Variants in FYTTD1 observed in about 807,000 individuals in gnomAD.
FYTTD1 encodes the protein forty-two-three domain containing 1.
FYTTD1 carries 22 observed loss-of-function variants against 40.9 expected under a neutral mutation model. The observed-to-expected ratio is 0.54, with a 90% CI of 0.38 to 0.77. FYTTD1 has a LOEUF of 0.77. Ranked by LOEUF, FYTTD1 falls within the 30% of genes least tolerant of loss-of-function variation. The probability of loss-of-function intolerance (pLI) is 0.00; values close to 1 mark genes in which losing one functional copy is unlikely to be tolerated. For synonymous variants in FYTTD1, 140 were observed against 137.9 expected (o/e 1.01, Z -0.10); for missense variants, 351 against 392.2 (o/e 0.90, Z 0.89).
At position 197,783,618 on chromosome 3, in the gene FYTTD1, C is replaced by T. The variant is rs1730086244; in HGVS notation, c.*1709C>T. 1 of 152,624 alleles carries T rather than the reference C, an allele frequency of 6.6e-6. No individual in the cohort carries two copies. The highest frequency in any genetic ancestry group is 2.4e-5 in the African/African-American group (1 of 41,452). The allele number at this position is 152,624 out of a possible 1,614,324, so 9.5% of individuals were successfully genotyped here. ...TGATGCTTTTCATATAGGCCAAGAACTCATTGCAAAACATTTTTGCAAGGA... is the reference window on the plus strand; with the variant it reads ...TGATGCTTTTCATATAGGCCAAGAATTCATTGCAAAACATTTTTGCAAGGA... On this transcript the variant is annotated 3_prime_UTR_variant, in exon 9 of 9. Coordinates refer to ENST00000241502, the MANE Select transcript of FYTTD1 (RefSeq NM_032288.7).
chr3:197,763,503 G>A, intron 2 of FYTTD1: 1 of 452,546 alleles, frequency 2.2e-6, no homozygotes, highest in Non-Finnish European at 4.4e-6. Flanking sequence ...TTAAGCATAT[G>A]AAGAGGTTCG....
chr3:197,776,082 C>CA (rs1208737086), intron 6 of FYTTD1, among the ~76,000 whole-genome samples: 1 of 151,934 alleles, frequency 6.6e-6, no homozygotes, highest in Non-Finnish European at 1.5e-5. Flanking sequence ...CTGAAAGAAA[C>CA]AGAGATTTAA....
chr3:197,766,684 C>G lies in FYTTD1; in HGVS notation c.236-1755C>G, dbSNP rs1729560678. Among the ~76,000 whole-genome samples the G allele has an allele frequency of 2.0e-5, 3 of 152,026 alleles. No homozygotes were observed. In the South Asian group the frequency reaches 6.2e-4, roughly 32 times the overall value. ...TCTCGAACTCCTGGGCTCAAGCAAT[C>G]CATCCTTCTCAGTCTCCCAAAGTGC... is the stretch of plus-strand genomic sequence containing the variant. On this transcript the variant is annotated intron_variant, in intron 2 of 8. Coordinates refer to ENST00000241502, the MANE Select transcript of FYTTD1 (RefSeq NM_032288.7).
chr3:197,751,422 G>A (rs895455474), intron 1 of FYTTD1, among the ~76,000 whole-genome samples: 1 of 152,224 alleles, frequency 6.6e-6, no homozygotes, highest in African/African-American at 2.4e-5. Flanking sequence ...GAGGCAGGCA[G>A]ATGGCTTGAG....
At chr3:197,768,722 CTAAA>C (rs1729623580) in intron 3 of FYTTD1, 135 bp downstream of exon 3, 3 of 620,976 alleles carry the variant, frequency 4.8e-6, no homozygotes, top group East Asian at 6.4e-5. Flanking sequence ...AATTTAATAT[CTAAA>C]TAAAAATCAT....
Position 197,774,032 on chromosome 3 carries a change from A to C in FYTTD1, c.595-117A>C, listed in dbSNP as rs118004197. 316 of 771,780 alleles carry C rather than the reference A, an allele frequency of 4.1e-4. 6 individuals carry two copies. Among genetic ancestry groups the C allele is most frequent in the South Asian group, 9.3e-4 (57 of 61,314 alleles). 47.8% of individuals were successfully genotyped at this position (771,780 alleles called of 1,614,324 possible). A position where few individuals can be genotyped will look rare whatever the true frequency, so the allele number is the denominator to read the frequency against. On this transcript the variant is annotated intron_variant, in intron 5 of 8. Coordinates refer to ENST00000241502, the MANE Select transcript of FYTTD1 (RefSeq NM_032288.7). ...TAGGAAGTTGTAGAATAGCGCAGGC[A>C]CCTCCGCTGCACTCATGTACACGCA...
At chr3:197,763,544 G>A in intron 2 of FYTTD1, 1 of 453,386 alleles carries the variant, frequency 2.2e-6, no homozygotes, top group Non-Finnish European at 4.4e-6. Flanking sequence ...TGGGAGGTGA[G>A]AGCAAGAGGA....
In FYTTD1 at chr3:197,786,131, T is replaced by C. The variant is rs372811021; in HGVS notation, c.*4222T>C. The stretch of plus-strand genomic sequence containing the variant: ...TTTTTTTTTTCTTTTTTTTCTTTTT[T>C]TGAGATGGAGTTTCACTCTTGTTGC... On this transcript the variant is annotated 3_prime_UTR_variant, in exon 9 of 9. Transcript: ENST00000241502. The C allele has an allele frequency of 3.4e-5, 5 of 148,840 alleles. No homozygotes were observed. The highest frequency in any genetic ancestry group is 4.2e-4 in the South Asian group (2 of 4,806). 9.2% of individuals were successfully genotyped at this position (148,840 alleles called of 1,614,324 possible). A position where few individuals can be genotyped will look rare whatever the true frequency, so the allele number is the denominator to read the frequency against.
intron 2 of FYTTD1, among the ~76,000 whole-genome samples, chr3:197,758,161 C>T (rs557864923): frequency 6.6e-6 from 1 of 152,358 alleles, no homozygotes; most frequent in African/African-American, 2.4e-5. Flanking sequence ...CCTCGGCCTC[C>T]TGCCTCAGCC....
chr3:197,764,967 A>G (rs112901088), intron 2 of FYTTD1, among the ~76,000 whole-genome samples: 3,684 of 150,934 alleles, frequency 0.024, 123 homozygotes, highest in African/African-American at 0.083. Flanking sequence ...CTCATGCCTC[A>G]GCCTCCCCAG....
intron 2 of FYTTD1, among the ~76,000 whole-genome samples, chr3:197,757,268 T>C (rs1429813417): frequency 2.6e-5 from 4 of 152,368 alleles, no homozygotes. Flanking sequence ...TGAACACTAA[T>C]ATATATGGCT....
intron 4 of FYTTD1, among the ~76,000 whole-genome samples, chr3:197,772,021 G>A (rs1418557817): frequency 1.3e-5 from 2 of 152,016 alleles, no homozygotes; most frequent in Non-Finnish European, 2.9e-5. Flanking sequence ...TTAAACCTGG[G>A]GGGCGGAAGT....
upstream of FYTTD1, chr3:197,749,622 T>G: frequency 2.9e-6 from 3 of 1,024,646 alleles, no homozygotes; most frequent in Non-Finnish European, 1.4e-6. Context: ...ACACGGAGGA[T>G]TATATCACTG....
rs1730138886 is a variant in FYTTD1 at position 197,785,752 on chromosome 3, A to G, written c.*3843A>G. 6.6e-6 allele frequency: 1 copy of G among 152,228 alleles called. No homozygotes were observed. The highest frequency in any genetic ancestry group is 2.1e-4 in the South Asian group (1 of 4,828). The allele number at this position is 152,228 out of a possible 1,614,324, so 9.4% of individuals were successfully genotyped here. ...GAAAAAATAGCTCACTTGGCAGCAC[A>G]GAAAATGAATACCATATTGGCAATA... On this transcript the variant is annotated 3_prime_UTR_variant, in exon 9 of 9. Transcript: ENST00000241502.
At chr3:197,769,807 C>T (rs561115336) in intron 3 of FYTTD1, among the ~76,000 whole-genome samples, 6 of 152,018 alleles carry the variant, frequency 3.9e-5, no homozygotes, top group South Asian at 2.1e-4. Context: ...GTTCCAGAGC[C>T]GCGATTCCCC....
intron 6 of FYTTD1, among the ~76,000 whole-genome samples, chr3:197,776,515 C>A (rs1276510119): frequency 6.6e-6 from 1 of 151,018 alleles, no homozygotes; most frequent in African/African-American, 2.4e-5. Context: ...GAGCCAGTGC[C>A]CGGCTGCAGC....
intron 1 of FYTTD1, among the ~76,000 whole-genome samples, chr3:197,753,254 G>A (rs1033823953): frequency 1.3e-5 from 2 of 152,132 alleles, no homozygotes. Flanking sequence ...TCATGGCTTT[G>A]CCAGGTGTAT....
At chr3:197,761,366 A>G (rs1329136674) in intron 2 of FYTTD1, among the ~76,000 whole-genome samples, 3 of 149,066 alleles carry the variant, frequency 2.0e-5, no homozygotes, top group African/African-American at 2.5e-5. Flanking sequence ...AATGTATAGA[A>G]TTGTTCTTCA....
At chr3:197,763,362 C>T (rs889283556) in intron 2 of FYTTD1, 9 of 276,370 alleles carry the variant, frequency 3.3e-5, no homozygotes, top group African/African-American at 1.2e-4. Flanking sequence ...TGCGGTGAGC[C>T]GAGATCGCAC....
Sources: gnomAD v4.1 joint callset for allele counts (sites outside exome capture counted in the v4.1 genomes callset) on GRCh38, gnomAD v4.1.1 for gene constraint, MANE v1.5 for transcripts, NCBI Gene and HGNC (gene_info 2026-07-23, HGNC 2026-07-21) for gene names.